SGCZ: variants seen among roughly 807,000 people sequenced by gnomAD.
SGCZ encodes the protein sarcoglycan zeta.
A neutral mutation model predicts 41.3 loss-of-function variants in SGCZ; 40 were observed. The ratio of observed to expected loss-of-function variants is 0.97; its 90% CI spans 0.75 to 1.26. The LOEUF is 1.26. Ranked by LOEUF, SGCZ falls within the 50% of genes most tolerant of loss-of-function variation. SGCZ has a pLI of 0.00. For missense variants in SGCZ, 552 were observed against 369.8 expected (o/e 1.49, Z -4.04); for synonymous variants, 206 against 137.5 (o/e 1.50, Z -3.49).
chr8:15,011,685 A>G (rs1467132764), intron 1 of SGCZ, among the ~76,000 whole-genome samples: 2 of 152,176 alleles, frequency 1.3e-5, no homozygotes, highest in Non-Finnish European at 2.9e-5. Context: ...CACAAAAGGT[A>G]TCATTGCCAA....
intron 2 of SGCZ, among the ~76,000 whole-genome samples, chr8:14,327,261 G>A (rs945466882): frequency 3.9e-5 from 6 of 152,174 alleles, no homozygotes; most frequent in African/African-American, 1.4e-4. Flanking sequence ...GAACACCCCA[G>A]GGGTGGAGGT....
chr8:14,257,373 A>G (rs995312699), intron 3 of SGCZ, among the ~76,000 whole-genome samples: 2 of 151,964 alleles, frequency 1.3e-5, no homozygotes, highest in African/African-American at 4.8e-5. Context: ...GAAAGAAAAC[A>G]AAACAAAAAC....
At chr8:14,675,123 G>T (rs1207319877) in intron 1 of SGCZ, among the ~76,000 whole-genome samples, 1 of 150,988 alleles carries the variant, frequency 6.6e-6, no homozygotes, top group Non-Finnish European at 1.5e-5. Flanking sequence ...TGTATTTTTA[G>T]TAGAGACAGG....
intron 2 of SGCZ, among the ~76,000 whole-genome samples, chr8:14,328,721 C>T (rs1802210781): frequency 6.6e-6 from 1 of 152,146 alleles, no homozygotes; most frequent in Non-Finnish European, 1.5e-5. Flanking sequence ...TGCTATGGTT[C>T]AAATGTGTCC....
chr8:14,237,204 C>T (rs1806793628), intron 4 of SGCZ, among the ~76,000 whole-genome samples: 1 of 151,852 alleles, frequency 6.6e-6, no homozygotes, highest in Non-Finnish European at 1.5e-5. Flanking sequence ...TAATGACCAG[C>T]AAAATAAATG....
intron 5 of SGCZ, among the ~76,000 whole-genome samples, chr8:14,126,900 T>A (rs911695047): frequency 1.3e-5 from 2 of 152,008 alleles, no homozygotes; most frequent in African/African-American, 4.8e-5. Context: ...ACACCACATG[T>A]TCTCATTTAT....
intron 1 of SGCZ, among the ~76,000 whole-genome samples, chr8:15,170,134 T>C (rs60134023): frequency 0.27 from 41,517 of 151,836 alleles, 6,215 homozygotes; most frequent in East Asian, 0.59. Flanking sequence ...TTAAATTTTT[T>C]TCCATGTGCA....
At chr8:14,371,692 A>G (rs1302850476) in intron 2 of SGCZ, among the ~76,000 whole-genome samples, 1 of 152,034 alleles carries the variant, frequency 6.6e-6, no homozygotes, top group Non-Finnish European at 1.5e-5. Flanking sequence ...CCAGTCATTT[A>G]CTCAGTTAGC....
chr8:14,747,514 C>G (rs1385635872), intron 1 of SGCZ, among the ~76,000 whole-genome samples: 1 of 151,746 alleles, frequency 6.6e-6, no homozygotes, highest in African/African-American at 2.4e-5. Context: ...TTTGAATGCA[C>G]GTAAAAAGTT....
At chr8:15,218,002 C>T (rs957679424) in intron 1 of SGCZ, among the ~76,000 whole-genome samples, 1 of 152,148 alleles carries the variant, frequency 6.6e-6, no homozygotes, top group African/African-American at 2.4e-5. Flanking sequence ...AGGAGAATTA[C>T]TTCACCCTGG....
intron 1 of SGCZ, among the ~76,000 whole-genome samples, chr8:14,680,662 A>G (rs1808412882): frequency 6.6e-6 from 1 of 150,882 alleles, no homozygotes. Flanking sequence ...GAGGAGAGAC[A>G]TAGATTGTAC....
At chr8:14,395,020 T>C (rs11993756) in intron 2 of SGCZ, among the ~76,000 whole-genome samples, 25,453 of 152,024 alleles carry the variant, frequency 0.17, 4,999 homozygotes, top group African/African-American at 0.48. Context: ...GTAAAACTGA[T>C]GTAGTGATAA....
intron 3 of SGCZ, among the ~76,000 whole-genome samples, chr8:14,263,531 A>G (rs1799753393): frequency 6.6e-6 from 1 of 152,200 alleles, no homozygotes; most frequent in Non-Finnish European, 1.5e-5. Context: ...TCTGAATGAG[A>G]AAATGAGATT....
chr8:14,423,132 T>C (rs560290498), intron 2 of SGCZ, among the ~76,000 whole-genome samples: 104 of 152,118 alleles, frequency 6.8e-4, no homozygotes, highest in African/African-American at 2.5e-3. Context: ...TGCTCCAGCA[T>C]TTTTTAAAAG....
At chr8:14,728,606 TAAG>T (rs959261080) in intron 1 of SGCZ, among the ~76,000 whole-genome samples, 4 of 152,116 alleles carry the variant, frequency 2.6e-5, no homozygotes, top group African/African-American at 7.2e-5. Context: ...AAAATTCTGA[TAAG>T]GAGAAATTTC....
intron 1 of SGCZ, among the ~76,000 whole-genome samples, chr8:14,715,292 T>C (rs559717279): frequency 2.0e-5 from 3 of 151,810 alleles, no homozygotes; most frequent in Non-Finnish European, 2.9e-5. Context: ...GCCAAAAAAA[T>C]TGGGGAGGAA....
At chr8:14,792,001 GA>G (rs113385269) in intron 1 of SGCZ, among the ~76,000 whole-genome samples, 1 of 152,078 alleles carries the variant, frequency 6.6e-6, no homozygotes, top group Admixed American at 6.6e-5. Context: ...TAATCCACTT[GA>G]AAAAATCATA....
intron 2 of SGCZ, among the ~76,000 whole-genome samples, chr8:14,351,430 T>A (rs562368147): frequency 6.6e-6 from 1 of 152,128 alleles, no homozygotes; most frequent in East Asian, 1.9e-4. Context: ...CTACCCTCAT[T>A]TTTTATCTGC....
chr8:14,451,702 C>T (rs1162836451), intron 2 of SGCZ, among the ~76,000 whole-genome samples: 1 of 152,166 alleles, frequency 6.6e-6, no homozygotes, highest in Non-Finnish European at 1.5e-5. Context: ...ACACATTGCA[C>T]ACTGCATGAT....
Sources: allele counts gnomAD v4.1 joint callset (sites outside exome capture counted in the v4.1 genomes callset), GRCh38; gene constraint gnomAD v4.1.1; transcripts MANE v1.5; gene names NCBI Gene and HGNC (gene_info 2026-07-23, HGNC 2026-07-21).